Variants in CCBE1 observed in about 807,000 individuals in gnomAD.
The protein encoded by CCBE1 is collagen and calcium-binding EGF domain-containing protein 1.
A neutral mutation model predicts 50.0 loss-of-function variants in CCBE1; 37 were observed. The ratio of observed to expected loss-of-function variants is 0.74; its 90% CI spans 0.57 to 0.97. The LOEUF is 0.97. Ranked by LOEUF, CCBE1 falls within the 50% of genes least tolerant of loss-of-function variation. The pLI, the probability that CCBE1 is intolerant of heterozygous loss-of-function variation, is 0.00. For synonymous variants in CCBE1, 234 were observed against 203.7 expected, an observed-to-expected ratio of 1.15 and a Z score of -1.27; for missense variants, 538 against 523.8, an observed-to-expected ratio of 1.03 and a Z score of -0.26.
intron 9 of CCBE1, among the ~76,000 whole-genome samples, chr18:59,439,242 G>A (rs143403595): frequency 1.3e-3 from 196 of 152,112 alleles, no homozygotes; most frequent in African/African-American, 4.5e-3. Flanking sequence ...AGCTGAGATC[G>A]TGCCACTGCA....
chr18:59,682,927 C>T (rs73961294), intron 2 of CCBE1, among the ~76,000 whole-genome samples: 2,506 of 152,268 alleles, frequency 0.016, 65 homozygotes, highest in African/African-American at 0.057. Context: ...CTTCTTGTGC[C>T]CCCCCTTCCC....
intron 2 of CCBE1, among the ~76,000 whole-genome samples, chr18:59,696,196 G>T (rs1379598857): frequency 6.6e-6 from 1 of 152,082 alleles, no homozygotes; most frequent in Non-Finnish European, 1.5e-5. Context: ...TCCAGAGGCC[G>T]TGACAGCCAC....
At chr18:59,500,253 C>G (rs1429901684) in intron 2 of CCBE1, among the ~76,000 whole-genome samples, 6 of 152,208 alleles carry the variant, frequency 3.9e-5, no homozygotes, top group African/African-American at 1.4e-4. Flanking sequence ...TCCTAGGAGA[C>G]TGGTTTCCCA....
intron 2 of CCBE1, among the ~76,000 whole-genome samples, chr18:59,625,965 G>A (rs968569255): frequency 9.9e-5 from 15 of 152,128 alleles, no homozygotes; most frequent in African/African-American, 3.6e-4. Context: ...ACAGTTGCAA[G>A]AAAATAAATC....
chr18:59,620,288 C>T (rs2053695577), intron 2 of CCBE1, among the ~76,000 whole-genome samples: 2 of 152,236 alleles, frequency 1.3e-5, no homozygotes, highest in Admixed American at 6.5e-5. Flanking sequence ...AACAAGACAA[C>T]CCTGCTGTTT....
intron 2 of CCBE1, among the ~76,000 whole-genome samples, chr18:59,582,728 T>C (rs139386215): frequency 0.017 from 2,660 of 152,286 alleles, 33 homozygotes; most frequent in Non-Finnish European, 0.023. Context: ...AACTCTTTTT[T>C]TAACTAGGTA....
chr18:59,640,365 AAAAC>A (rs1381763870), intron 2 of CCBE1, among the ~76,000 whole-genome samples: 1 of 152,202 alleles, frequency 6.6e-6, no homozygotes, highest in African/African-American at 2.4e-5. Context: ...AAAGTCAACA[AAAAC>A]AAGCAATAGG....
At chr18:59,438,083 G>C (rs530566950) in intron 10 of CCBE1, 28 bp downstream of exon 10, 3 of 1,613,284 alleles carry the variant, frequency 1.9e-6, no homozygotes, top group African/African-American at 2.7e-5. Flanking sequence ...CGTTCCCCTG[G>C]GGAAGCAGGA....
At chr18:59,513,256 G>A (rs150368879) in intron 2 of CCBE1, among the ~76,000 whole-genome samples, 2,216 of 152,258 alleles carry the variant, frequency 0.015, 48 homozygotes, top group African/African-American at 0.049. Context: ...TGTAGTGAGC[G>A]GAGATTGTGC....
chr18:59,517,359 C>T lies in CCBE1; in HGVS notation c.213-37121G>A, dbSNP rs117548502. Among the ~76,000 whole-genome samples, 1,190 of 152,324 alleles carry T rather than the reference C, an allele frequency of 7.8e-3. 8 individuals are homozygous for T. The highest frequency in any genetic ancestry group is 0.012 in the Non-Finnish European group (833 of 68,030). On this transcript the variant is annotated intron_variant, in intron 2 of 10. Transcript: ENST00000439986. Reference sequence around the variant, plus strand: ...ATATTCTATTTAGCTACCTTGGGGTCCAAGTTCCCTTTAACTGGGGGAGAA... The same window carrying T: ...ATATTCTATTTAGCTACCTTGGGGTTCAAGTTCCCTTTAACTGGGGGAGAA...
rs1911764450 is a variant in CCBE1, at chr18:59,466,728, G to C, written c.553+11C>G. 1 of 1,607,538 alleles carries C rather than the reference G, an allele frequency of 6.2e-7. No individual in the cohort carries two copies. Among genetic ancestry groups the C allele is most frequent in the Non-Finnish European group, 8.5e-7 (1 of 1,176,140 alleles). The stretch of plus-strand genomic sequence containing the variant: ...TGTAATTAGGGAGATATTTAGACTT[G>C]CCCTACTTACCAGTGTCATTGGGAT... On this transcript the variant is annotated intron_variant, in intron 5 of 10. Transcript: ENST00000439986.
intron 7 of CCBE1, among the ~76,000 whole-genome samples, chr18:59,440,992 T>G (rs960868475): frequency 1.3e-5 from 2 of 152,182 alleles, no homozygotes; most frequent in African/African-American, 4.8e-5. Context: ...GGTAACAGCA[T>G]CCTTCCATTG....
At chr18:59,564,125 T>C (rs889477678) in intron 2 of CCBE1, 1 of 152,234 alleles carries the variant, frequency 6.6e-6, no homozygotes, top group Non-Finnish European at 1.5e-5. Flanking sequence ...TCTTTATAAC[T>C]ATCAGCAGCT....
chr18:59,670,981 C>T lies in CCBE1; in HGVS notation c.212+25648G>A, dbSNP rs192518185. On this transcript the variant is annotated intron_variant, in intron 2 of 10. Coordinates refer to ENST00000439986, the MANE Select transcript of CCBE1 (RefSeq NM_133459.4). ...ATAATTTTCAATCCTATCACTCCAT[C>T]GTACAAGGCATTTTAGAAGTTCATC... 2.7e-3 allele frequency among the ~76,000 whole-genome samples: 417 copies of T among 152,260 alleles called. 1 individual carries two copies. The highest frequency in any genetic ancestry group is 9.8e-3 in the African/African-American group (408 of 41,554).
chr18:59,660,527 G>T (rs2054269050), intron 2 of CCBE1, among the ~76,000 whole-genome samples: 1 of 152,106 alleles, frequency 6.6e-6, no homozygotes, highest in African/African-American at 2.4e-5. Flanking sequence ...AGAGAGCAAA[G>T]CCTTTTTGAG....
At chr18:59,652,285 A>C (rs2054136573) in intron 2 of CCBE1, among the ~76,000 whole-genome samples, 1 of 151,950 alleles carries the variant, frequency 6.6e-6, no homozygotes, top group Admixed American at 6.6e-5. Flanking sequence ...ATCAAGAAAA[A>C]CTCAGCCAAC....
chr18:59,575,398 T>TA (rs1404820265), intron 2 of CCBE1, among the ~76,000 whole-genome samples: 1 of 152,174 alleles, frequency 6.6e-6, no homozygotes, highest in Non-Finnish European at 1.5e-5. Flanking sequence ...TGCACTTTTC[T>TA]AGGTTATCCA....
At chr18:59,628,333 G>T (rs1482223238) in intron 2 of CCBE1, among the ~76,000 whole-genome samples, 1 of 152,068 alleles carries the variant, frequency 6.6e-6, no homozygotes, top group East Asian at 1.9e-4. Flanking sequence ...AAAATAATAA[G>T]GAGAATATGC....
intron 2 of CCBE1, among the ~76,000 whole-genome samples, chr18:59,647,582 A>C (rs2054071963): frequency 6.6e-6 from 1 of 152,168 alleles, no homozygotes; most frequent in African/African-American, 2.4e-5. Context: ...CATCTTTTTC[A>C]AAAAGAATAT....
Sources: allele counts gnomAD v4.1 joint callset (sites outside exome capture counted in the v4.1 genomes callset), GRCh38; gene constraint gnomAD v4.1.1; transcripts MANE v1.5; gene names NCBI Gene and HGNC (gene_info 2026-07-23, HGNC 2026-07-21).